The following ITGA4 variants were observed in gnomAD, a reference collection of about 807,000 sequenced individuals.
ITGA4 encodes the protein integrin alpha-4.
Under a neutral mutation model 133.6 loss-of-function variants are expected in ITGA4, and 63 were observed. That is an observed-to-expected ratio of 0.47 (90% CI 0.38 to 0.58). The LOEUF (loss-of-function observed/expected upper bound fraction) is 0.58. ITGA4 is among the 20% of genes least tolerant of loss of function. ITGA4 has a pLI of 0.00. For synonymous variants in ITGA4, 483 were observed against 438.0 expected, an observed-to-expected ratio of 1.10 and a Z score of -1.28; for missense variants, 1,076 against 1,252.7, an observed-to-expected ratio of 0.86 and a Z score of 2.13.
chr2:181,483,582 T>C (rs936880199), intron 9 of ITGA4, among the ~76,000 whole-genome samples: 1 of 152,178 alleles, frequency 6.6e-6, no homozygotes, highest in Admixed American at 6.5e-5. Context: ...AAAGAAAACA[T>C]CTAGTCTCAT....
intron 23 of ITGA4, among the ~76,000 whole-genome samples, chr2:181,529,966 TAGA>T (rs1686911017): frequency 6.6e-6 from 1 of 152,214 alleles, no homozygotes; most frequent in African/African-American, 2.4e-5. Context: ...CTTCTATTAG[TAGA>T]ATTCTTCATA....
At chr2:181,475,655 T>A (rs1460085302) in intron 4 of ITGA4, among the ~76,000 whole-genome samples, 4 of 152,196 alleles carry the variant, frequency 2.6e-5, no homozygotes, top group Admixed American at 6.5e-5. Context: ...AGGTTTCCTT[T>A]TTTACCTTTA....
intron 17 of ITGA4, among the ~76,000 whole-genome samples, chr2:181,519,194 T>C (rs1362889981): frequency 6.6e-6 from 1 of 152,046 alleles, no homozygotes; most frequent in Non-Finnish European, 1.5e-5. Flanking sequence ...AAATTTTGAA[T>C]AAAAGCCATG....
chr2:181,481,567 G>T, intron 6 of ITGA4, 31 bp from the exon 7 acceptor site: 1 of 1,228,472 alleles, frequency 8.1e-7, no homozygotes. Context: ...ACTTTACCCA[G>T]GACTCTCATA....
Position 181,523,361 on chromosome 2 carries a change from T to C in ITGA4, c.2074-76T>C, listed in dbSNP as rs1686761357. The C allele has an allele frequency of 1.2e-6, 1 of 818,980 alleles. No individual in the cohort carries two copies. The highest frequency in any genetic ancestry group is 1.4e-5 in the South Asian group (1 of 68,982). The allele number at this position is 818,980 out of a possible 1,614,324, so 50.7% of individuals were successfully genotyped here. On this transcript the variant is annotated intron_variant, in intron 18 of 27. Coordinates refer to ENST00000397033, the MANE Select transcript of ITGA4 (RefSeq NM_000885.6). This position sits in a 1 kb window ranked among gnomAD's most constrained non-coding sequence, Gnocchi z 4.2. ...ACTTCTGGGATGATATTCTTTTCAA[T>C]AACCATCCTTAAACATATGTTACAA...
rs544571997 is a variant in ITGA4, at chr2:181,522,010, A to T, written c.1923-181A>T. ...GACTGAATTTATAAAAAACATGACA[A>T]AGAGTTCTTCTTAATATGGTTTTAC... On this transcript the variant is annotated intron_variant, in intron 17 of 27. Transcript: ENST00000397033. Among the ~76,000 whole-genome samples, 102 of 152,260 alleles carry T rather than the reference A, an allele frequency of 6.7e-4. No homozygotes were observed. In the South Asian group the frequency reaches 8.9e-3, roughly 13 times the overall value.
chr2:181,525,783 A>T (rs1262594329), intron 21 of ITGA4, among the ~76,000 whole-genome samples: 1 of 152,218 alleles, frequency 6.6e-6, no homozygotes, highest in Non-Finnish European at 1.5e-5. Context: ...CTATGGGATC[A>T]CCAGATTCCT....
chr2:181,459,277 C>A (rs534616026), intron 2 of ITGA4: 11 of 150,884 alleles, frequency 7.3e-5, no homozygotes, highest in Non-Finnish European at 1.5e-4. Context: ...AAGCCATTTT[C>A]TTCCATGTAT....
At chr2:181,534,994 A>G (rs1335114311) in intron 27 of ITGA4, 59 bp downstream of exon 27, 1 of 1,494,948 alleles carries the variant, frequency 6.7e-7, no homozygotes, top group Non-Finnish European at 8.9e-7. Context: ...CTCAAAGCCA[A>G]TTTGACTTCC....
chr2:181,537,185 T>A lies in ITGA4; in HGVS notation c.*1658T>A, dbSNP rs182251976. ...TCTTTCAGGAGAACATCTAGGATCA[T>A]AGATGAAAAATCAAGCCCCGATTTA... is the stretch of plus-strand genomic sequence containing the variant. On this transcript the variant is annotated 3_prime_UTR_variant, in exon 28 of 28. Coordinates refer to ENST00000397033, the MANE Select transcript of ITGA4 (RefSeq NM_000885.6). 3 of 453,982 alleles carry A rather than the reference T, an allele frequency of 6.6e-6. No homozygotes were observed. The highest frequency in any genetic ancestry group is 1.4e-4 in the East Asian group (2 of 14,380). The allele number at this position is 453,982 out of a possible 1,614,324, so 28.1% of individuals were successfully genotyped here.
intron 17 of ITGA4, among the ~76,000 whole-genome samples, chr2:181,519,300 A>G (rs1289836552): frequency 1.3e-5 from 2 of 152,140 alleles, no homozygotes; most frequent in African/African-American, 4.8e-5. Context: ...GAGGGTGAGG[A>G]CAATAACTGG....
intron 15 of ITGA4, among the ~76,000 whole-genome samples, chr2:181,501,550 T>C (rs1686269941): frequency 6.6e-6 from 1 of 152,184 alleles, no homozygotes. Flanking sequence ...AAGAGGCTAC[T>C]GTGGCAACAC....
At chr2:181,498,546 T>C (rs1380569052) in intron 14 of ITGA4, 77 bp from the exon 15 acceptor site, 3 of 873,096 alleles carry the variant, frequency 3.4e-6, no homozygotes, top group Non-Finnish European at 5.2e-6. Flanking sequence ...CATATAACTT[T>C]AACTATTATC....
intron 2 of ITGA4, among the ~76,000 whole-genome samples, chr2:181,473,455 G>C (rs1685602887): frequency 6.6e-6 from 1 of 152,182 alleles, no homozygotes; most frequent in Non-Finnish European, 1.5e-5. Context: ...AAAAGATTGG[G>C]AACCACTGAC....
chr2:181,498,187 A>T (rs1280701030), intron 14 of ITGA4: 2 of 152,258 alleles, frequency 1.3e-5, no homozygotes, highest in Non-Finnish European at 2.9e-5. Context: ...TAAAAAAGTC[A>T]TATATAAAAT....
At chr2:181,493,130 C>G (rs1381139321) in intron 10 of ITGA4, 195 bp from the exon 11 acceptor site, 6 of 467,250 alleles carry the variant, frequency 1.3e-5, no homozygotes, top group Non-Finnish European at 2.3e-5. Flanking sequence ...CTGCTTTCTT[C>G]CATGTGCAAA....
intron 10 of ITGA4, 105 bp from the exon 11 acceptor site, chr2:181,493,220 G>C (rs1686090965): frequency 1.5e-6 from 1 of 663,692 alleles, no homozygotes; most frequent in Non-Finnish European, 2.6e-6. Context: ...TTTCATAAAA[G>C]AGAGTTTTCT....
chr2:181,469,783 GAA>G, intron 2 of ITGA4, among the ~76,000 whole-genome samples: 1 of 152,104 alleles, frequency 6.6e-6, no homozygotes, highest in Non-Finnish European at 1.5e-5. Context: ...GATGAAATTG[GAA>G]ATCATCATTC....
chr2:181,480,107 T>C, intron 5 of ITGA4, 30 bp from the exon 6 acceptor site: 1 of 1,469,682 alleles, frequency 6.8e-7, no homozygotes, highest in Non-Finnish European at 9.0e-7. Flanking sequence ...GATTAAAGTT[T>C]AAATAATAAT....
Sources: allele counts gnomAD v4.1 joint callset (sites outside exome capture counted in the v4.1 genomes callset), GRCh38; gene constraint gnomAD v4.1.1; non-coding constraint Gnocchi (gnomAD v3.1); transcripts MANE v1.5; gene names NCBI Gene and HGNC (gene_info 2026-07-23, HGNC 2026-07-21).